The following ATG9A variants were observed in gnomAD, a reference collection of about 807,000 sequenced individuals.
ATG9A encodes the protein autophagy-related protein 9A.
A neutral mutation model predicts 87.1 loss-of-function variants in ATG9A; 21 were observed. That is an observed-to-expected ratio of 0.24 (90% confidence interval 0.17 to 0.35). The LOEUF is 0.35. ATG9A is among the 10% of genes least tolerant of loss of function. ATG9A has a pLI of 1.00. For synonymous variants in ATG9A, 422 were observed against 441.3 expected (o/e 0.96, Z 0.55); for missense variants, 836 against 1,107.3 (o/e 0.76, Z 3.48).
rs746055682 is a variant in ATG9A, at chr2:219,224,033, C to A, written c.1266-11G>T. 5 of 1,607,508 alleles carry A rather than the reference C, an allele frequency of 3.1e-6. No homozygotes were observed. The highest frequency in any genetic ancestry group is 4.3e-6 in the Non-Finnish European group (5 of 1,176,138). ...TCCGGGATAAAGGACCTAGTGGGAT[C>A]AGGATCATGGTGAGATGTATGCCTT... On this transcript the variant is annotated splice_polypyrimidine_tract_variant and intron_variant, in intron 8 of 15. Coordinates refer to ENST00000361242, the MANE Select transcript of ATG9A (RefSeq NM_001077198.3). This position sits in a 1 kb window ranked among gnomAD's most constrained non-coding sequence, Gnocchi z 7.7.
chr2:219,227,876 G>T (rs753695394), intron 3 of ATG9A, 46 bp downstream of exon 3: 2 of 1,612,946 alleles, frequency 1.2e-6, no homozygotes, highest in Non-Finnish European at 1.7e-6. Context: ...CTCTCTCCAT[G>T]TTCTTCCATC....
At position 219,223,664 on chromosome 2, in the gene ATG9A, T is replaced by C. The variant is rs1559244747; in HGVS notation, c.1520A>G (p.Asn507Ser). ...CACACCAACGACCTCCACGGTGAAG[T>C]TTCGGAAGAAGTCTATAATCTCCAG... ...RALEIIDFFR[N>S]FTVEVVGVGD... Residue 507 changes from asparagine to serine, a missense_variant, in exon 10 of 16, where the codon AAC becomes AGC. Coordinates refer to ENST00000361242, the MANE Select transcript of ATG9A (RefSeq NM_001077198.3). This position sits in a 1 kb window ranked among gnomAD's most constrained non-coding sequence, Gnocchi z 4.7. The C allele has an allele frequency of 6.2e-7, 1 of 1,613,724 alleles. No individual in the cohort carries two copies. The highest frequency in any genetic ancestry group is 8.5e-7 in the Non-Finnish European group (1 of 1,179,940).
At chr2:219,220,613 G>T in intron 15 of ATG9A, 134 bp downstream of exon 15, 3 of 1,477,080 alleles carry the variant, frequency 2.0e-6, no homozygotes, top group Non-Finnish European at 1.9e-6. Flanking sequence ...AAAAGAAGGG[G>T]TAGTGTGTTT....
Position 219,224,894 on chromosome 2 carries a change from G to T in ATG9A, c.517-40C>A. On this transcript the variant is annotated intron_variant, in intron 7 of 15. Transcript: ENST00000361242. This position sits in a 1 kb window ranked among gnomAD's most constrained non-coding sequence, Gnocchi z 7.7. ...GGGGAAGAGACAAGGTACGGAAGGT[G>T]GGGTTGTTGCCTCGACCCCTTTGCC... The T allele has an allele frequency of 6.2e-7, 1 of 1,604,320 alleles. No individual in the cohort carries two copies.
chr2:219,222,044 A>G lies in ATG9A; in HGVS notation c.2145+6T>C, dbSNP rs1950772130. ...CCTCTACTCTCTTTTTTAGCTGTGC[A>G]CTCACCTGGTGCATATAGAGGGCAT... is the stretch of plus-strand genomic sequence containing the variant. On this transcript the variant is annotated splice_donor_region_variant and intron_variant, in intron 13 of 15. Coordinates refer to ENST00000361242, the MANE Select transcript of ATG9A (RefSeq NM_001077198.3). This position sits in a 1 kb window ranked among gnomAD's most constrained non-coding sequence, Gnocchi z 4.3. The G allele has an allele frequency of 1.2e-6, 2 of 1,611,724 alleles. No individual in the cohort carries two copies. Among genetic ancestry groups the G allele is most frequent in the Non-Finnish European group, 1.7e-6 (2 of 1,178,718 alleles).
Position 219,222,823 on chromosome 2 carries a change from A to C in ATG9A, c.1670T>G (p.Leu557Arg), listed in dbSNP as rs1218721133. Residue 557 changes from leucine (L) to arginine (R), a missense_variant, in exon 11 of 16, where the codon CTC (leucine) becomes CGC (arginine). Around this residue, in one of 2 missense-constraint regions of ATG9A, gnomAD observed 512 missense variants for 759.6 expected, o/e 0.67. Coordinates refer to ENST00000361242, the MANE Select transcript of ATG9A (RefSeq NM_001077198.3). This position sits in a 1 kb window ranked among gnomAD's most constrained non-coding sequence, Gnocchi z 4.3. ...QAEDGKTELS[L>R]MHFAITNPGW... Reference sequence around the variant, plus strand: ...AGGGTTGGTGATGGCAAAGTGCATGAGTGACAACTCTGTCTTTCCATCCTC... The same window carrying C: ...AGGGTTGGTGATGGCAAAGTGCATGCGTGACAACTCTGTCTTTCCATCCTC... 1 of 1,614,182 alleles carries C rather than the reference A, an allele frequency of 6.2e-7. No individual in the cohort carries two copies. Among genetic ancestry groups the C allele is most frequent in the Non-Finnish European group, 8.5e-7 (1 of 1,180,034 alleles).
chr2:219,222,230 G>A lies in ATG9A; in HGVS notation c.2027+42C>T, dbSNP rs1221545505. On this transcript the variant is annotated intron_variant, in intron 12 of 15. Transcript: ENST00000361242. The surrounding 1 kb of genome is among the most constrained non-coding windows in gnomAD (Gnocchi z 4.3). ...TTCTCTGAGACCCACACAAGCTGCT[G>A]AGGGCTGCCGTGCCCTCCCATCTTG... 6.2e-7 allele frequency: 1 copy of A among 1,613,402 alleles called. No homozygotes were observed. The highest frequency in any genetic ancestry group is 1.7e-5 in the Admixed American group (1 of 59,988).
chr2:219,225,501 T>C lies in ATG9A; in HGVS notation c.284A>G (p.Asn95Ser), dbSNP rs1317709603. ...GTGAAGACTGTGGTTCACCATCTTG[T>C]TGGCAAATAGGATGTCATAGTCCAC... ...SCVDYDILFA[N>S]KMVNHSLHPT... The change falls in exon 6 of 16, where the codon AAC becomes AGC. Residue 95 changes from asparagine to serine, a missense_variant. Asn to Ser is a conservative substitution (Grantham distance 46). Around this residue, in one of 2 missense-constraint regions of ATG9A, gnomAD observed 512 missense variants for 759.6 expected, o/e 0.67. Transcript: ENST00000361242. 1.2e-6 allele frequency: 2 copies of C among 1,614,124 alleles called. No homozygotes were observed. The highest frequency in any genetic ancestry group is 1.3e-5 in the African/African-American group (1 of 75,026).
Position 219,220,436 on chromosome 2 carries a change from C to T in ATG9A, c.*11G>A. The T allele has an allele frequency of 6.2e-7, 1 of 1,613,698 alleles. No individual in the cohort carries two copies. Among genetic ancestry groups the T allele is most frequent in the Non-Finnish European group, 8.5e-7 (1 of 1,179,682 alleles). The stretch of plus-strand genomic sequence containing the variant: ...TCCATCCTGGGCCACAGGAACCCTG[C>T]TCAGCCTTGTCTATACCTGTGGGGA... On this transcript the variant is annotated 3_prime_UTR_variant, in exon 16 of 16. Transcript: ENST00000361242.
rs1227788920 is a variant in ATG9A at position 219,220,794 on chromosome 2, C to T, written c.2467G>A (p.Val823Met). ...GQSASRHPEP[V>M]PEEGSEDELP... Reference sequence around the variant, plus strand: ...TCATCCTCCGAGCCCTCTTCGGGCACGGGCTCAGGGTGCCTTGATGCCGAC... The same window carrying T: ...TCATCCTCCGAGCCCTCTTCGGGCATGGGCTCAGGGTGCCTTGATGCCGAC... Residue 823 changes from valine (V) to methionine (M), a missense_variant, in exon 15 of 16, where the codon GTG (valine) becomes ATG (methionine). Physicochemically the swap from Val to Met is conservative, Grantham distance 21 (BLOSUM62 1). This residue lies in a region of ATG9A where 324 missense variants were observed against 347.6 expected (regional missense o/e 0.93). Transcript: ENST00000361242. The T allele has an allele frequency of 8.1e-6, 13 of 1,613,328 alleles. No individual in the cohort carries two copies. Among genetic ancestry groups the T allele is most frequent in the East Asian group, 6.7e-5 (3 of 44,884 alleles).
At chr2:219,225,947 G>A (rs75572220) in intron 5 of ATG9A, among the ~76,000 whole-genome samples, 3,516 of 152,264 alleles carry the variant, frequency 0.023, 137 homozygotes, top group African/African-American at 0.08. Flanking sequence ...CTTCCCCTTC[G>A]GCAATGCTAT....
In ATG9A at chr2:219,222,409, G is replaced by C; in HGVS notation, c.1890C>G (p.Cys630Trp). The change falls in exon 12 of 16, where the codon TGC becomes TGG. Residue 630 changes from cysteine (C) to tryptophan (W), a missense_variant. Coordinates refer to ENST00000361242, the MANE Select transcript of ATG9A (RefSeq NM_001077198.3). This position sits in a 1 kb window ranked among gnomAD's most constrained non-coding sequence, Gnocchi z 4.3. The stretch of plus-strand genomic sequence containing the variant: ...GGTCTCTGGGCAGTGGAGGGCCCCG[G>C]CAGGATGAGCCAGCTACCACATTTG... ...LIANVVAGSS[C>W]RGPPLPRDLQ... 1 of 1,585,552 alleles carries C rather than the reference G, an allele frequency of 6.3e-7. No homozygotes were observed. The highest frequency in any genetic ancestry group is 1.4e-5 in the African/African-American group (1 of 73,844).
chr2:219,221,207 TC>T lies in ATG9A; in HGVS notation c.2240del (p.Gly747GlufsTer97). On this transcript the variant is annotated frameshift_variant, in exon 14 of 16. Coordinates refer to ENST00000361242, the MANE Select transcript of ATG9A (RefSeq NM_001077198.3). LOFTEE classifies it high-confidence loss of function. ...TAGACTGGGGGGCCCGGGCGCCCTC[TC>T]CCCCTTCATCAGGGGCGCTTTCTCC... ...ESGESAPDEGGEGARAPQSIP... is the reference protein window; with the variant it reads ...ESGESAPDEGXEGARAPQSIP... 1 of 1,589,710 alleles carries T rather than the reference TC, an allele frequency of 6.3e-7. No individual in the cohort carries two copies. The highest frequency in any genetic ancestry group is 8.6e-7 in the Non-Finnish European group (1 of 1,168,422).
chr2:219,220,904 A>C lies in ATG9A; in HGVS notation c.2369-12T>G, dbSNP rs761716106. 1.9e-6 allele frequency: 3 copies of C among 1,612,736 alleles called. No homozygotes were observed. Among genetic ancestry groups the C allele is most frequent in the East Asian group, 2.2e-5 (1 of 44,860 alleles). ...CACTGTGCCAGGATCTGGAGAGACA[A>C]GTAAGAGTAAGCATACTCATAGAAG... On this transcript the variant is annotated splice_polypyrimidine_tract_variant and intron_variant, in intron 14 of 15. Transcript: ENST00000361242.
At position 219,223,775 on chromosome 2, in the gene ATG9A, G is replaced by T; in HGVS notation, c.1420-11C>A. 1.2e-6 allele frequency: 2 copies of T among 1,613,374 alleles called. No individual in the cohort carries two copies. The highest frequency in any genetic ancestry group is 8.5e-7 in the Non-Finnish European group (1 of 1,179,672). ...TTCCAAAATGAACACCTAAAAGGGC[G>T]GGACCAAGGTCACAAGCGAGCAGGA... is the stretch of plus-strand genomic sequence containing the variant. On this transcript the variant is annotated splice_polypyrimidine_tract_variant and intron_variant, in intron 9 of 15. Transcript: ENST00000361242. This position sits in a 1 kb window ranked among gnomAD's most constrained non-coding sequence, Gnocchi z 4.7.
In ATG9A at chr2:219,223,911, C is replaced by G; in HGVS notation, c.1377G>C (p.Ser459=). 6.2e-7 allele frequency: 1 copy of G among 1,614,144 alleles called. No homozygotes were observed. The highest frequency in any genetic ancestry group is 8.5e-7 in the Non-Finnish European group (1 of 1,180,022). The change falls in exon 9 of 16, where the codon TCG becomes TCC. Residue 459 remains serine (S), a synonymous_variant. Coordinates refer to ENST00000361242, the MANE Select transcript of ATG9A (RefSeq NM_001077198.3). The surrounding 1 kb of genome is among the most constrained non-coding windows in gnomAD (Gnocchi z 4.7). ...PDHWQGNAHR[S]QTRDEFAQLF... ...GCTGGGCAAACTCGTCCCGGGTCTG[C>G]GAGCGGTGGGCATTACCCTGCCAGT... is the stretch of plus-strand genomic sequence containing the variant.
chr2:219,221,632 G>T (rs747469921), intron 13 of ATG9A, among the ~76,000 whole-genome samples: 14 of 152,260 alleles, frequency 9.2e-5, no homozygotes, highest in Admixed American at 2.6e-4. Flanking sequence ...GCCAGCCCTT[G>T]TGAGGCTTAT....
chr2:219,229,463 G>A lies in ATG9A; in HGVS notation c.-82+72C>T, dbSNP rs1478643067. 1 of 152,508 alleles carries A rather than the reference G, an allele frequency of 6.6e-6. No individual in the cohort carries two copies. The highest frequency in any genetic ancestry group is 1.5e-5 in the Non-Finnish European group (1 of 68,010). 9.4% of individuals were successfully genotyped at this position (152,508 alleles called of 1,614,324 possible). On this transcript the variant is annotated intron_variant, in intron 1 of 15. Transcript: ENST00000361242. The surrounding 1 kb of genome is among the most constrained non-coding windows in gnomAD (Gnocchi z 4.2). Reference sequence around the variant, plus strand: ...CCGTTACCCGCCGCGAGCTCACTTAGGGCTCCGCAGGCACCCCTGGGCAAG... The same window carrying A: ...CCGTTACCCGCCGCGAGCTCACTTAAGGCTCCGCAGGCACCCCTGGGCAAG...
chr2:219,224,918 C>T lies in ATG9A; in HGVS notation c.517-64G>A. 1.3e-5 allele frequency: 21 copies of T among 1,589,114 alleles called. No homozygotes were observed. Among genetic ancestry groups the T allele is most frequent in the Non-Finnish European group, 1.8e-5 (21 of 1,164,568 alleles). On this transcript the variant is annotated intron_variant, in intron 7 of 15. Coordinates refer to ENST00000361242, the MANE Select transcript of ATG9A (RefSeq NM_001077198.3). The surrounding 1 kb of genome is among the most constrained non-coding windows in gnomAD (Gnocchi z 7.7). Reference sequence around the variant, plus strand: ...TGGGGTTGTTGCCTCGACCCCTTTGCCCTATATTAGAAGTGAGATTCAGGG... The same window carrying T: ...TGGGGTTGTTGCCTCGACCCCTTTGTCCTATATTAGAAGTGAGATTCAGGG...
Sources: gnomAD v4.1 joint callset for allele counts (sites outside exome capture counted in the v4.1 genomes callset) on GRCh38, gnomAD v4.1.1 for gene constraint, gnomAD v4.1.1 regional missense constraint, Gnocchi (gnomAD v3.1) non-coding constraint, MANE v1.5 for transcripts, NCBI Gene and HGNC (gene_info 2026-07-23, HGNC 2026-07-21) for gene names.